The following GIPC2 variants were observed in gnomAD, a reference collection of about 807,000 sequenced individuals.
The protein encoded by GIPC2 is PDZ domain-containing protein GIPC2.
Under a neutral mutation model 30.6 loss-of-function variants are expected in GIPC2, and 30 were observed. The ratio of observed to expected loss-of-function variants is 0.98; its 90% confidence interval spans 0.73 to 1.33. The LOEUF (loss-of-function observed/expected upper bound fraction) is 1.33. GIPC2 is among the 40% of genes most tolerant of loss of function. The pLI is 0.00. For missense variants in GIPC2, 414 were observed against 390.3 expected, an observed-to-expected ratio of 1.06 and a Z score of -0.51; for synonymous variants, 167 against 150.0, an observed-to-expected ratio of 1.11 and a Z score of -0.83.
intron 1 of GIPC2, among the ~76,000 whole-genome samples, chr1:78,062,672 A>AT (rs969342887): frequency 1.7e-3 from 236 of 142,304 alleles, no homozygotes; most frequent in African/African-American, 2.7e-3. Flanking sequence ...TGCCCAGCTA[A>AT]TTTTTTTTTT....
intron 3 of GIPC2, 27 bp from the exon 4 acceptor site, chr1:78,119,366 T>C (rs774201982): frequency 2.5e-5 from 31 of 1,229,072 alleles, no homozygotes; most frequent in African/African-American, 8.8e-5. Flanking sequence ...TGTGTATATG[T>C]ATGTTTCCCT....
intron 3 of GIPC2, among the ~76,000 whole-genome samples, chr1:78,109,924 A>C (rs1218041104): frequency 6.6e-6 from 1 of 152,178 alleles, no homozygotes; most frequent in Non-Finnish European, 1.5e-5. Context: ...ATTCTCAGCA[A>C]ACTGTCGCAA....
In GIPC2 at chr1:78,100,747, T is replaced by TC. The variant is rs1347711786; in HGVS notation, c.607+5615_607+5616insC. Among the ~76,000 whole-genome samples, 5 of 151,968 alleles carry TC rather than the reference T, an allele frequency of 3.3e-5. No individual in the cohort carries two copies. The East Asian group carries it at 9.6e-4, about 29-fold the overall frequency. ...GAGTTTGAGACCAGCCTGGCCAATGTGGTGAAACCCTGTCTCTACTAAAAA... is the reference window on the plus strand; with the variant it reads ...GAGTTTGAGACCAGCCTGGCCAATGTCGGTGAAACCCTGTCTCTACTAAAAA... On this transcript the variant is annotated intron_variant, in intron 3 of 5. Transcript: ENST00000370759.
intron 3 of GIPC2, among the ~76,000 whole-genome samples, chr1:78,118,782 C>T (rs886981827): frequency 6.6e-6 from 1 of 152,170 alleles, no homozygotes; most frequent in Non-Finnish European, 1.5e-5. Flanking sequence ...TGGTTTGTAT[C>T]TGCAAGACCT....
At chr1:78,135,529 AT>A in intron 5 of GIPC2, 62 bp from the exon 6 acceptor site, 1 of 988,658 alleles carries the variant, frequency 1.0e-6, no homozygotes, top group Non-Finnish European at 1.5e-6. Context: ...TCCTGTTGCC[AT>A]TTTTCTCAGT....
chr1:78,081,390 A>G (rs1661826320), intron 2 of GIPC2, among the ~76,000 whole-genome samples: 1 of 152,204 alleles, frequency 6.6e-6, no homozygotes, highest in African/African-American at 2.4e-5. Flanking sequence ...TTTACTTGTC[A>G]TTATTTCCTA....
intron 3 of GIPC2, among the ~76,000 whole-genome samples, chr1:78,103,989 C>G (rs1662298156): frequency 6.6e-6 from 1 of 152,260 alleles, no homozygotes; most frequent in East Asian, 1.9e-4. Flanking sequence ...CTTGTACACA[C>G]TGGGTGTGGG....
intron 5 of GIPC2, among the ~76,000 whole-genome samples, chr1:78,133,326 A>G (rs1408218033): frequency 6.6e-6 from 1 of 152,210 alleles, no homozygotes; most frequent in African/African-American, 2.4e-5. Flanking sequence ...CTTTTTATTG[A>G]AAGTGTTTCC....
intron 1 of GIPC2, among the ~76,000 whole-genome samples, chr1:78,074,389 T>C (rs778027819): frequency 1.3e-5 from 2 of 152,212 alleles, no homozygotes; most frequent in African/African-American, 4.8e-5. Flanking sequence ...AGATAATTAT[T>C]TTTTTATTTT....
In GIPC2 at chr1:78,046,147, G is replaced by C. The variant is rs1421716282; in HGVS notation, c.53G>C (p.Gly18Ala). 1.3e-6 allele frequency: 2 copies of C among 1,541,222 alleles called. No homozygotes were observed. Among genetic ancestry groups the C allele is most frequent in the Admixed American group, 4.2e-5 (2 of 47,584 alleles). The change falls in exon 1 of 6, where the codon GGG becomes GCG. Residue 18 changes from glycine to alanine, a missense_variant. Coordinates refer to ENST00000370759, the MANE Select transcript of GIPC2 (RefSeq NM_017655.6). Reference sequence around the variant, plus strand: ...AAGGCCAAGTCCAAGGAGACCGCCGGGCTGGTGGAGGGCGAGCCGACGGGC... The same window carrying C: ...AAGGCCAAGTCCAAGGAGACCGCCGCGCTGGTGGAGGGCGAGCCGACGGGC... ...KKKAKSKETA[G>A]LVEGEPTGAG...
At chr1:78,058,436 A>G (rs1661335061) in intron 1 of GIPC2, among the ~76,000 whole-genome samples, 1 of 151,862 alleles carries the variant, frequency 6.6e-6, no homozygotes, top group Non-Finnish European at 1.5e-5. Context: ...ATTTTTTTTT[A>G]ATTGAAGGAT....
At chr1:78,045,873 T>A, upstream of GIPC2, 1 of 1,322,378 alleles carries the variant, frequency 7.6e-7, no homozygotes, top group Non-Finnish European at 9.6e-7. Context: ...TACGTAACTT[T>A]CTTTCTCTCC....
chr1:78,046,677 G>C (rs1661098834), intron 1 of GIPC2, among the ~76,000 whole-genome samples: 1 of 152,096 alleles, frequency 6.6e-6, no homozygotes, highest in Non-Finnish European at 1.5e-5. Context: ...TCCCAGACTC[G>C]AGATCTGGCG....
At chr1:78,077,220 T>G (rs1661732987) in intron 1 of GIPC2, among the ~76,000 whole-genome samples, 1 of 152,174 alleles carries the variant, frequency 6.6e-6, no homozygotes, top group Non-Finnish European at 1.5e-5. Context: ...CTTAAAAACT[T>G]AATTTAAAAA....
At chr1:78,047,988 G>T (rs1218883031) in intron 1 of GIPC2, among the ~76,000 whole-genome samples, 1 of 152,184 alleles carries the variant, frequency 6.6e-6, no homozygotes, top group Non-Finnish European at 1.5e-5. Context: ...AGGGACTTCA[G>T]TTTTAGTTAC....
intron 1 of GIPC2, among the ~76,000 whole-genome samples, chr1:78,073,218 T>C (rs1661656748): frequency 6.7e-6 from 1 of 148,654 alleles, no homozygotes; most frequent in Non-Finnish European, 1.5e-5. Context: ...GTTCTCCTGC[T>C]TCAGCCTCCT....
intron 4 of GIPC2, 98 bp downstream of exon 4, chr1:78,119,597 C>A: frequency 1.5e-6 from 1 of 689,166 alleles, no homozygotes; most frequent in Non-Finnish European, 2.6e-6. Context: ...AATTCACTGT[C>A]TATTTAAACA....
chr1:78,098,274 T>G (rs1168477621), intron 3 of GIPC2, among the ~76,000 whole-genome samples: 1 of 152,200 alleles, frequency 6.6e-6, no homozygotes, highest in Non-Finnish European at 1.5e-5. Context: ...CTAGAGATGA[T>G]GACAGCATCC....
intron 1 of GIPC2, among the ~76,000 whole-genome samples, chr1:78,076,909 C>T (rs1661726752): frequency 6.6e-6 from 1 of 152,008 alleles, no homozygotes; most frequent in South Asian, 2.1e-4. Flanking sequence ...GCTGGGATTA[C>T]AGGCACCTGC....
Sources: allele counts gnomAD v4.1 joint callset (sites outside exome capture counted in the v4.1 genomes callset), GRCh38; gene constraint gnomAD v4.1.1; transcripts MANE v1.5; gene names NCBI Gene and HGNC (gene_info 2026-07-23, HGNC 2026-07-21).